The following TLN2 variants were observed in gnomAD, a reference collection of about 807,000 sequenced individuals.
TLN2 encodes the protein talin-2.
Under a neutral mutation model 294.7 loss-of-function variants are expected in TLN2, and 118 were observed. That is an observed-to-expected ratio of 0.40 (90% CI 0.34 to 0.47). The LOEUF is 0.47. Among genes scored for constraint, TLN2 ranks in the 20% least tolerant of loss-of-function variants. The pLI is 0.84. For missense variants in TLN2, 3,083 were observed against 3,282.2 expected (o/e 0.94, Z 1.48); for synonymous variants, 1,431 against 1,304.5 (o/e 1.10, Z -2.09).
At chr15:62,441,316 C>T (rs191039518) in intron 1 of TLN2, among the ~76,000 whole-genome samples, 72 of 152,300 alleles carry the variant, frequency 4.7e-4, no homozygotes, top group Admixed American at 2.3e-3. Context: ...ACTGCAGCCT[C>T]GAACTCCTGG....
At chr15:62,635,561 A>T (rs1056605025) in intron 3 of TLN2, among the ~76,000 whole-genome samples, 1 of 152,188 alleles carries the variant, frequency 6.6e-6, no homozygotes. Context: ...AATGTGTCCA[A>T]ATGTTAGTGG....
At chr15:62,616,960 A>G (rs1032835859) in intron 2 of TLN2, among the ~76,000 whole-genome samples, 9 of 152,026 alleles carry the variant, frequency 5.9e-5, no homozygotes, top group Non-Finnish European at 1.0e-4. Flanking sequence ...GCTATGACAG[A>G]GTGGAAGGTG....
Position 62,738,260 on chromosome 15 carries a change from T to G in TLN2, c.3614T>G (p.Leu1205Arg). The stretch of plus-strand genomic sequence containing the variant: ...TCCTTGAATAACTGCGTAAATTGCC[T>G]CCCTGGGCAGAAGGATGTGGACGTG... ...SHSLNNCVNC[L>R]PGQKDVDVAL... The change falls in exon 30 of 59, where the codon CTC becomes CGC. Residue 1205 changes from leucine to arginine, a missense_variant. By Grantham distance (102) the Leu-to-Arg change is moderately radical (BLOSUM62 -2). Transcript: ENST00000636159. 6.2e-7 allele frequency: 1 copy of G among 1,614,150 alleles called. No homozygotes were observed. Among genetic ancestry groups the G allele is most frequent in the Non-Finnish European group, 8.5e-7 (1 of 1,180,018 alleles).
At chr15:62,600,255 C>T (rs1376523456) in intron 2 of TLN2, among the ~76,000 whole-genome samples, 2 of 152,208 alleles carry the variant, frequency 1.3e-5, no homozygotes, top group African/African-American at 2.4e-5. Context: ...GACTTGGGCT[C>T]TTTCCAGGAT....
In TLN2 at chr15:62,766,348, G is replaced by T. The variant is rs1463482588; in HGVS notation, c.5122G>T (p.Val1708Phe). The change falls in exon 41 of 59, where the codon GTC becomes TTC. Residue 1708 changes from valine (V) to phenylalanine (F), a missense_variant. By Grantham distance (50) the Val-to-Phe change is conservative. Transcript: ENST00000636159. ...CCTGCAGGAGCAGCTGACTTCGGTG[G>T]TCCAGGAAATCGGACACCTTATCGA... is the stretch of plus-strand genomic sequence containing the variant. ...EALQEQLTSV[V>F]QEIGHLIDPI... 1 of 1,613,224 alleles carries T rather than the reference G, an allele frequency of 6.2e-7. No homozygotes were observed. The highest frequency in any genetic ancestry group is 8.5e-7 in the Non-Finnish European group (1 of 1,179,274).
chr15:62,520,163 T>C (rs904278692), intron 1 of TLN2, among the ~76,000 whole-genome samples: 2 of 152,226 alleles, frequency 1.3e-5, no homozygotes, highest in African/African-American at 4.8e-5. Flanking sequence ...GTGGGAGTTA[T>C]GGGTGCTACA....
intron 1 of TLN2, among the ~76,000 whole-genome samples, chr15:62,529,154 C>T (rs1294416236): frequency 6.6e-6 from 1 of 151,688 alleles, no homozygotes; most frequent in Non-Finnish European, 1.5e-5. Context: ...AGTGTGGTGG[C>T]ATGATCATGA....
intron 37 of TLN2, among the ~76,000 whole-genome samples, chr15:62,758,189 G>A (rs1056331341): frequency 8.6e-5 from 13 of 152,038 alleles, no homozygotes; most frequent in South Asian, 8.3e-4. Context: ...AGAGAAGCAC[G>A]AGGGAGCAGG....
At chr15:62,445,250 T>C (rs1352122112) in intron 1 of TLN2, among the ~76,000 whole-genome samples, 1 of 152,190 alleles carries the variant, frequency 6.6e-6, no homozygotes, top group African/African-American at 2.4e-5. Flanking sequence ...GAATCACCTG[T>C]GGCTTTACAG....
intron 25 of TLN2, 137 bp from the exon 26 acceptor site, chr15:62,722,216 G>A (rs2060190824): frequency 8.1e-6 from 8 of 986,002 alleles, no homozygotes; most frequent in African/African-American, 1.6e-5. Flanking sequence ...TTTGGGAATA[G>A]GGGATGAGTT....
At chr15:62,402,265 T>A (rs985055302) in intron 1 of TLN2, among the ~76,000 whole-genome samples, 13 of 152,214 alleles carry the variant, frequency 8.5e-5, no homozygotes, top group African/African-American at 3.1e-4. Flanking sequence ...CACCCCATTA[T>A]TTGAAAAATG....
intron 1 of TLN2, among the ~76,000 whole-genome samples, chr15:62,410,111 G>GGGA (rs1272306445): frequency 5.9e-5 from 9 of 152,058 alleles, no homozygotes; most frequent in Non-Finnish European, 1.3e-4. Flanking sequence ...GCGTGGTGGT[G>GGGA]TGCGCCTGTA....
chr15:62,708,360 G>T (rs1356303582), intron 20 of TLN2, 142 bp from the exon 21 acceptor site: 1 of 773,934 alleles, frequency 1.3e-6, no homozygotes, highest in Non-Finnish European at 2.1e-6. Context: ...AAATGGTCAG[G>T]TAAGTAAGAA....
chr15:62,634,224 G>C (rs780280731), intron 3 of TLN2, among the ~76,000 whole-genome samples: 1 of 152,194 alleles, frequency 6.6e-6, no homozygotes, highest in Non-Finnish European at 1.5e-5. Context: ...GGTTGGTGCT[G>C]ACAGATGACA....
rs536796482 is a variant in TLN2, at chr15:62,659,908, C to T, written c.788+2010C>T. On this transcript the variant is annotated intron_variant, in intron 9 of 58. Coordinates refer to ENST00000636159, the MANE Select transcript of TLN2 (RefSeq NM_015059.3). ...TCCCTTCTTAATTAAAACAAAACAG[C>T]GAGGCCACATTTTGCTGATTTGCGA... Among the ~76,000 whole-genome samples, 3 of 152,226 alleles carry T rather than the reference C, an allele frequency of 2.0e-5. No individual in the cohort carries two copies. In the South Asian group the frequency reaches 6.2e-4, roughly 32 times the overall value.
chr15:62,475,931 C>T (rs147361222), intron 1 of TLN2, among the ~76,000 whole-genome samples: 2 of 152,334 alleles, frequency 1.3e-5, no homozygotes, highest in Non-Finnish European at 2.9e-5. Flanking sequence ...AGACTTGATT[C>T]TGCAATTCTA....
At chr15:62,811,500 A>G (rs1329813271) in intron 52 of TLN2, among the ~76,000 whole-genome samples, 2 of 152,244 alleles carry the variant, frequency 1.3e-5, no homozygotes, top group African/African-American at 4.8e-5. Context: ...TCTGAGTCAT[A>G]TAGAACCTTG....
chr15:62,459,061 C>T (rs1007881111), intron 1 of TLN2, among the ~76,000 whole-genome samples: 13 of 151,650 alleles, frequency 8.6e-5, no homozygotes, highest in African/African-American at 2.9e-4. Context: ...AGTATAGTGG[C>T]GCAATCTTGG....
chr15:62,544,742 T>C (rs1181127408), intron 1 of TLN2, among the ~76,000 whole-genome samples: 3 of 148,414 alleles, frequency 2.0e-5, no homozygotes, highest in Non-Finnish European at 3.0e-5. Flanking sequence ...TTTTTTTTTC[T>C]TCCCCCCCTC....
Sources: gnomAD v4.1 joint callset for allele counts (sites outside exome capture counted in the v4.1 genomes callset) on GRCh38, gnomAD v4.1.1 for gene constraint, MANE v1.5 for transcripts, NCBI Gene and HGNC (gene_info 2026-07-23, HGNC 2026-07-21) for gene names.